The following DST variants were observed in gnomAD, a reference collection of about 807,000 sequenced individuals.
DST encodes the protein bullous pemphigoid antigen.
A neutral mutation model predicts 875.2 loss-of-function variants in DST; 253 were observed. The ratio of observed to expected loss-of-function variants is 0.29; its 90% CI spans 0.26 to 0.32. DST has a LOEUF of 0.32. Ranked by LOEUF, DST falls within the 10% of genes least tolerant of loss-of-function variation. DST has a pLI of 1.00. For synonymous variants in DST, 3,124 were observed against 3,197.1 expected (o/e 0.98, Z 0.77); for missense variants, 8,287 against 9,111.6 (o/e 0.91, Z 3.68).
At position 56,631,303 on chromosome 6, in the gene DST, G is replaced by A. The variant is rs768749488; in HGVS notation, c.4050C>T (p.Ala1350=). The change falls in exon 30 of 104, where the codon GCC becomes GCT. Residue 1350 remains alanine, a synonymous_variant. Transcript: ENST00000680361. ...ATCGTAGGGTAGGGACTGATGAAGA[G>A]GCTGCTGCTTGACTGAAAAACTCCT... The part of the protein sequence containing the change: ...KCEEFFSQAA[A]SSSVPTLRSE... The A allele has an allele frequency of 7.4e-6, 12 of 1,613,958 alleles. No homozygotes were observed. Among genetic ancestry groups the A allele is most frequent in the Non-Finnish European group, 9.3e-6 (11 of 1,179,928 alleles).
chr6:56,634,108 G>A, intron 27 of DST, 24 bp downstream of exon 27: 1 of 1,612,178 alleles, frequency 6.2e-7, no homozygotes, highest in Non-Finnish European at 8.5e-7. Flanking sequence ...GACATATCGA[G>A]TTGACATACA....
chr6:56,812,645 G>A (rs2099761782), intron 4 of DST, among the ~76,000 whole-genome samples: 1 of 152,160 alleles, frequency 6.6e-6, no homozygotes, highest in African/African-American at 2.4e-5. Context: ...CTCAAATTCT[G>A]CCATAAAACA....
intron 4 of DST, among the ~76,000 whole-genome samples, chr6:56,769,419 T>C (rs756257965): frequency 1.3e-4 from 20 of 152,130 alleles, no homozygotes; most frequent in Non-Finnish European, 2.5e-4. Context: ...AATTCAGCAA[T>C]TACACTTCAA....
chr6:56,702,079 T>A, intron 7 of DST, 114 bp from the exon 8 acceptor site: 1 of 577,534 alleles, frequency 1.7e-6, no homozygotes, highest in Non-Finnish European at 3.0e-6. Context: ...ACCGTTTAGG[T>A]AAGGCCATAA....
At chr6:56,536,332 T>C (rs990550316) in intron 62 of DST, among the ~76,000 whole-genome samples, 2 of 152,224 alleles carry the variant, frequency 1.3e-5, no homozygotes, top group South Asian at 2.1e-4. Context: ...TTTGTTTGTA[T>C]GGTGTGAACT....
intron 73 of DST, among the ~76,000 whole-genome samples, chr6:56,510,644 A>T (rs2096456709): frequency 6.6e-6 from 1 of 152,190 alleles, no homozygotes; most frequent in Non-Finnish European, 1.5e-5. Flanking sequence ...AGGAATAATC[A>T]CACAGGATTG....
In DST at chr6:56,555,589, A is replaced by G; in HGVS notation, c.14892T>C (p.Ser4964=). ...TGCTGCTGAGTTTATTATCCAAGTCACTCAGTTTATCAGAAAGGCTTCTCA... is the reference window on the plus strand; with the variant it reads ...TGCTGCTGAGTTTATTATCCAAGTCGCTCAGTTTATCAGAAAGGCTTCTCA... ...SLLRSLSDKL[S]DLDNKLSSSL... Residue 4964 remains serine, a synonymous_variant, in exon 60 of 104, where the codon AGT becomes AGC. Coordinates refer to ENST00000680361, the MANE Select transcript of DST (RefSeq NM_001374736.1). 2.5e-6 allele frequency: 4 copies of G among 1,613,910 alleles called. No homozygotes were observed. The highest frequency in any genetic ancestry group is 3.4e-6 in the Non-Finnish European group (4 of 1,179,880).
chr6:56,599,968 G>T, intron 45 of DST, 101 bp downstream of exon 45: 2 of 1,197,616 alleles, frequency 1.7e-6, no homozygotes, highest in African/African-American at 1.5e-5. Flanking sequence ...CTTCTAAAAA[G>T]CTAAAATTAC....
chr6:56,748,678 G>GATC (rs1589588691), intron 4 of DST, among the ~76,000 whole-genome samples: 2 of 152,230 alleles, frequency 1.3e-5, no homozygotes, highest in East Asian at 3.9e-4. Flanking sequence ...TGTCTTTATG[G>GATC]ATCATCATCC....
At chr6:56,591,512 G>A (rs115884244) in intron 49 of DST, among the ~76,000 whole-genome samples, 1,828 of 152,250 alleles carry the variant, frequency 0.012, 34 homozygotes, top group African/African-American at 0.042. Context: ...AATGAATAAA[G>A]CAGACAAAGA....
intron 9 of DST, among the ~76,000 whole-genome samples, chr6:56,684,522 G>A (rs1404361308): frequency 6.6e-6 from 1 of 152,178 alleles, no homozygotes; most frequent in Non-Finnish European, 1.5e-5. Flanking sequence ...TACTGAACAA[G>A]CTTAGACTAA....
intron 60 of DST, among the ~76,000 whole-genome samples, chr6:56,555,070 T>A (rs1490298163): frequency 6.6e-6 from 1 of 152,216 alleles, no homozygotes; most frequent in Non-Finnish European, 1.5e-5. Flanking sequence ...AACATTTACA[T>A]TTTTTAAAAA....
intron 4 of DST, among the ~76,000 whole-genome samples, chr6:56,818,446 A>G (rs2099769263): frequency 6.6e-6 from 1 of 152,190 alleles, no homozygotes; most frequent in Non-Finnish European, 1.5e-5. Flanking sequence ...CTGTGATGGC[A>G]TGAGAAGTCA....
chr6:56,801,739 A>C (rs2099747226), intron 4 of DST, among the ~76,000 whole-genome samples: 1 of 150,638 alleles, frequency 6.6e-6, no homozygotes, highest in Admixed American at 6.6e-5. Flanking sequence ...AATACAAGTC[A>C]CACAATAATT....
intron 4 of DST, among the ~76,000 whole-genome samples, chr6:56,844,823 G>A (rs901437774): frequency 4.0e-5 from 6 of 148,844 alleles, no homozygotes; most frequent in Admixed American, 1.4e-4. Context: ...AGTGAGCCGA[G>A]ATCACGCCAC....
intron 4 of DST, among the ~76,000 whole-genome samples, chr6:56,834,584 G>A (rs1301771827): frequency 2.0e-5 from 3 of 150,596 alleles, no homozygotes; most frequent in Non-Finnish European, 3.0e-5. Flanking sequence ...GTGACAGTGC[G>A]AGACTCCAAC....
At chr6:56,471,969 T>A in intron 94 of DST, 90 bp downstream of exon 94, 1 of 1,385,600 alleles carries the variant, frequency 7.2e-7, no homozygotes, top group Non-Finnish European at 1.0e-6. Flanking sequence ...ATCAGAAAAG[T>A]TAAAAAATAC....
intron 3 of DST, chr6:56,861,916 G>A (rs1280919866): frequency 1.3e-5 from 2 of 152,110 alleles, no homozygotes; most frequent in Middle Eastern, 3.1e-3. Flanking sequence ...AGAACCTGAG[G>A]TGAGTTGAAA....
chr6:56,914,717 T>C (rs1164362505), intron 2 of DST, among the ~76,000 whole-genome samples: 3 of 152,152 alleles, frequency 2.0e-5, no homozygotes, highest in Non-Finnish European at 2.9e-5. Context: ...TTACGAACCA[T>C]ATTTAACATT....
Sources: gnomAD v4.1 joint callset for allele counts (sites outside exome capture counted in the v4.1 genomes callset) on GRCh38, gnomAD v4.1.1 for gene constraint, MANE v1.5 for transcripts, NCBI Gene and HGNC (gene_info 2026-07-23, HGNC 2026-07-21) for gene names.